The following PCDHA13 variants were observed in gnomAD, a reference collection of about 807,000 sequenced individuals.
PCDHA13 encodes protocadherin alpha 13, also known as protocadherin alpha-13.
PCDHA13 carries 54 observed loss-of-function variants against 64.8 expected under a neutral mutation model. The observed-to-expected ratio is 0.83, with a 90% CI of 0.67 to 1.04. The LOEUF is 1.04. Ranked by LOEUF, PCDHA13 falls within the 50% of genes least tolerant of loss-of-function variation. The probability of loss-of-function intolerance (pLI) is 0.00; values close to 1 mark genes in which losing one functional copy is unlikely to be tolerated. For missense variants in PCDHA13, 1,248 were observed against 1,254.3 expected (o/e 0.99, Z 0.08); for synonymous variants, 587 against 564.4 (o/e 1.04, Z -0.57).
chr5:140,921,283 C>T (rs1484079224), intron 1 of PCDHA13, among the ~76,000 whole-genome samples: 2 of 151,974 alleles, frequency 1.3e-5, no homozygotes, highest in Non-Finnish European at 2.9e-5. Flanking sequence ...TTGAAAAAAA[C>T]CTCAAATTTG....
intron 1 of PCDHA13, among the ~76,000 whole-genome samples, chr5:140,931,209 A>G (rs1554208285): frequency 6.6e-6 from 1 of 152,184 alleles, no homozygotes; most frequent in African/African-American, 2.4e-5. Flanking sequence ...CTAGTATTTC[A>G]GGTATCAGAG....
chr5:140,904,039 A>T (rs947456842), intron 1 of PCDHA13, among the ~76,000 whole-genome samples: 5 of 152,138 alleles, frequency 3.3e-5, no homozygotes, highest in Non-Finnish European at 7.4e-5. Context: ...TAACTTTTTA[A>T]TTTTTTTATT....
intron 3 of PCDHA13, among the ~76,000 whole-genome samples, chr5:141,008,458 C>T (rs1234894606): frequency 3.9e-5 from 6 of 152,252 alleles, no homozygotes; most frequent in Middle Eastern, 3.4e-3. Context: ...CCTTCCTCTC[C>T]AGCTCTGACT....
At chr5:141,000,419 ATATTTTTT>A (rs1194100555) in intron 3 of PCDHA13, among the ~76,000 whole-genome samples, 4 of 60,996 alleles carry the variant, frequency 6.6e-5, no homozygotes, top group African/African-American at 2.3e-4. Flanking sequence ...ATATATATAT[ATATTTTTT>A]TTTTTTTTTT....
At chr5:140,955,797 T>C (rs1374924586) in intron 1 of PCDHA13, among the ~76,000 whole-genome samples, 3 of 152,212 alleles carry the variant, frequency 2.0e-5, no homozygotes, top group Non-Finnish European at 4.4e-5. Flanking sequence ...TGTTTTTCTA[T>C]TTGTTTGTGT....
rs567366418 is a variant in PCDHA13 at position 140,912,439 on chromosome 5, G to T, written c.2394+27777G>T. 2.6e-5 allele frequency among the ~76,000 whole-genome samples: 4 copies of T among 151,104 alleles called. No individual in the cohort carries two copies. The East Asian group carries it at 7.8e-4, about 29-fold the overall frequency. On this transcript the variant is annotated intron_variant, in intron 1 of 3. Transcript: ENST00000289272. ...TGGTGTATAGCAGTGTTGCTGATTT[G>T]TGTGCATTGATTTTGTATCCTGGAA...
At chr5:140,967,870 G>T in intron 1 of PCDHA13, 1 of 1,614,152 alleles carries the variant, frequency 6.2e-7, no homozygotes, top group Non-Finnish European at 8.5e-7. Flanking sequence ...TGGTGCTCAC[G>T]GACCTGTATA....
At chr5:140,992,282 TG>T (rs1554252798) in intron 3 of PCDHA13, among the ~76,000 whole-genome samples, 1 of 152,178 alleles carries the variant, frequency 6.6e-6, no homozygotes, top group African/African-American at 2.4e-5. Context: ...AGCACATCCC[TG>T]CAAAGGATGG....
chr5:140,885,925 T>A lies in PCDHA13; in HGVS notation c.2394+1263T>A, dbSNP rs1431219397. The stretch of plus-strand genomic sequence containing the variant: ...CTGTACCTTATAGATATTAACTGTT[T>A]ATCTATTTTTTGACATTTTTAATTA... On this transcript the variant is annotated intron_variant, in intron 1 of 3. Coordinates refer to ENST00000289272, the MANE Select transcript of PCDHA13 (RefSeq NM_018904.3). 2.0e-5 allele frequency among the ~76,000 whole-genome samples: 3 copies of A among 151,896 alleles called. No homozygotes were observed. In the East Asian group the frequency reaches 5.8e-4, roughly 29 times the overall value.
chr5:140,943,006 C>A (rs1314561126), intron 1 of PCDHA13, among the ~76,000 whole-genome samples: 2 of 151,932 alleles, frequency 1.3e-5, no homozygotes, highest in East Asian at 3.9e-4. Flanking sequence ...CCTGTAATCC[C>A]AGCACTTTGG....
intron 1 of PCDHA13, among the ~76,000 whole-genome samples, chr5:140,932,822 A>G (rs1191525374): frequency 6.6e-6 from 1 of 151,946 alleles, no homozygotes; most frequent in Non-Finnish European, 1.5e-5. Context: ...ATAAGTGGGA[A>G]AGTATTGACA....
intron 1 of PCDHA13, among the ~76,000 whole-genome samples, chr5:140,962,590 C>T (rs2095694493): frequency 6.6e-6 from 1 of 152,144 alleles, no homozygotes; most frequent in African/African-American, 2.4e-5. Context: ...AAATATTTGA[C>T]TGATATATTT....
chr5:140,984,164 A>G (rs1471799520), intron 3 of PCDHA13, among the ~76,000 whole-genome samples: 1 of 152,208 alleles, frequency 6.6e-6, no homozygotes, highest in Non-Finnish European at 1.5e-5. Context: ...GAACTTCCCA[A>G]AGAAGCCACG....
At chr5:140,966,264 G>C (rs959228779) in intron 1 of PCDHA13, 3 of 347,414 alleles carry the variant, frequency 8.6e-6, no homozygotes, top group Non-Finnish European at 1.5e-5. Flanking sequence ...GTGGAGACTG[G>C]ATGAACTGGA....
chr5:140,914,815 GACTGCATAAACAAAAAACAAACACACAA>G (rs2076856567), intron 1 of PCDHA13, among the ~76,000 whole-genome samples: 1 of 151,986 alleles, frequency 6.6e-6, no homozygotes, highest in Non-Finnish European at 1.5e-5. Context: ...CAACTTAACA[GACTGCATAAACAAAAAACAAACACACAA>G]AAGGAAGACT....
intron 3 of PCDHA13, among the ~76,000 whole-genome samples, chr5:140,999,451 C>T (rs1245812469): frequency 4.6e-5 from 7 of 152,084 alleles, no homozygotes; most frequent in African/African-American, 9.7e-5. Context: ...ATTCGTTCAA[C>T]GAATAAGTGG....
At chr5:140,890,693 G>C (rs980920550) in intron 1 of PCDHA13, among the ~76,000 whole-genome samples, 7 of 151,828 alleles carry the variant, frequency 4.6e-5, no homozygotes, top group Non-Finnish European at 8.8e-5. Flanking sequence ...GGAAATGCAG[G>C]GACCTTACAT....
At chr5:140,977,559 A>G (rs1383080307) in intron 1 of PCDHA13, among the ~76,000 whole-genome samples, 2 of 152,204 alleles carry the variant, frequency 1.3e-5, no homozygotes. Context: ...ATATCTTGCT[A>G]GCAGATTGGT....
At chr5:140,928,178 G>C (rs2085023372) in intron 1 of PCDHA13, 1 of 1,614,074 alleles carries the variant, frequency 6.2e-7, no homozygotes, top group African/African-American at 1.3e-5. Flanking sequence ...AGCACCCGAA[G>C]GACAATCACT....
Sources: allele counts gnomAD v4.1 joint callset (sites outside exome capture counted in the v4.1 genomes callset), GRCh38; gene constraint gnomAD v4.1.1; transcripts MANE v1.5; gene names NCBI Gene and HGNC (gene_info 2026-07-23, HGNC 2026-07-21).